The following RPGRIP1 variants were observed in gnomAD, a reference collection of about 807,000 sequenced individuals.
The protein encoded by RPGRIP1 is X-linked retinitis pigmentosa GTPase regulator-interacting protein 1.
RPGRIP1 carries 128 observed loss-of-function variants against 157.9 expected under a neutral mutation model. The observed-to-expected ratio is 0.81, with a 90% CI of 0.70 to 0.94. RPGRIP1 has a LOEUF of 0.94. RPGRIP1 is among the 40% of genes least tolerant of loss of function. The pLI is 0.00. For missense variants in RPGRIP1, 1,486 were observed against 1,545.8 expected (o/e 0.96, Z 0.65); for synonymous variants, 554 against 571.6 (o/e 0.97, Z 0.44).
chr14:21,303,254 A>T (rs558500004), intron 5 of RPGRIP1, 77 bp from the exon 6 acceptor site: 2 of 974,124 alleles, frequency 2.1e-6, no homozygotes, highest in South Asian at 1.6e-5. Context: ...TGATTCACTT[A>T]ATTTCTTTTT....
chr14:21,343,031 A>G lies in RPGRIP1; in HGVS notation c.3340-5A>G. The G allele has an allele frequency of 4.4e-6, 7 of 1,608,948 alleles. No homozygotes were observed. The highest frequency in any genetic ancestry group is 1.1e-5 in the South Asian group (1 of 90,514). ...TAGGAACTAAATAAACATTTTCCTTATCAGGATTCAGAGAAGATGTGCATT... is the reference window on the plus strand; with the variant it reads ...TAGGAACTAAATAAACATTTTCCTTGTCAGGATTCAGAGAAGATGTGCATT... On this transcript the variant is annotated splice_region_variant and splice_polypyrimidine_tract_variant and intron_variant, in intron 21 of 24. Transcript: ENST00000400017.
In RPGRIP1 at chr14:21,294,233, G is replaced by GT. The variant is rs34091174; in HGVS notation, c.86-431dup. ...CCCAGTAGGAGTCATTTCTGTTTTTGTTTTTTTTTTTTTCCAAGGCAGAGT... is the reference window on the plus strand; with the variant it reads ...CCCAGTAGGAGTCATTTCTGTTTTTGTTTTTTTTTTTTTTCCAAGGCAGAGT... On this transcript the variant is annotated intron_variant, in intron 2 of 24. Coordinates refer to ENST00000400017, the MANE Select transcript of RPGRIP1 (RefSeq NM_020366.4). Among the ~76,000 whole-genome samples the GT allele has an allele frequency of 2.0e-3, 287 of 143,962 alleles. 1 individual carries two copies. Among genetic ancestry groups the GT allele is most frequent in the East Asian group, 3.9e-3 (19 of 4,912 alleles). The allele number at this position is 143,962 out of a possible 152,430, so 94.4% of individuals were successfully genotyped here. A position where few individuals can be genotyped will look rare whatever the true frequency, so the allele number is the denominator to read the frequency against.
intron 3 of RPGRIP1, among the ~76,000 whole-genome samples, chr14:21,296,274 C>T (rs772480332): frequency 1.3e-5 from 2 of 151,832 alleles, no homozygotes; most frequent in Non-Finnish European, 2.9e-5. Context: ...GCCGTGCTGC[C>T]CAGGCTGGTC....
At chr14:21,303,618 TC>T in intron 6 of RPGRIP1, 75 bp downstream of exon 6, 1 of 1,113,946 alleles carries the variant, frequency 9.0e-7, no homozygotes, top group Non-Finnish European at 1.3e-6. Context: ...ATACCTTTCC[TC>T]CATCTCAGAG....
chr14:21,323,369 C>T (rs1212908327), intron 14 of RPGRIP1, among the ~76,000 whole-genome samples: 1 of 151,376 alleles, frequency 6.6e-6, no homozygotes, highest in South Asian at 2.1e-4. Flanking sequence ...TGCAGTGAGC[C>T]GAGACCAGGC....
At chr14:21,281,688 CAA>C (rs1282350183) in intron 1 of RPGRIP1, among the ~76,000 whole-genome samples, 56 of 79,274 alleles carry the variant, frequency 7.1e-4, no homozygotes, top group African/African-American at 2.8e-3. Context: ...GACCTTGTCT[CAA>C]AAAAAAAAAA....
At chr14:21,290,150 C>A (rs1281442009) in intron 2 of RPGRIP1, among the ~76,000 whole-genome samples, 2 of 152,160 alleles carry the variant, frequency 1.3e-5, no homozygotes, top group Non-Finnish European at 2.9e-5. Flanking sequence ...AGCCACCACA[C>A]CTGGCCCCTG....
At chr14:21,327,847 A>G (rs1018363517) in intron 18 of RPGRIP1, 40 bp downstream of exon 18, 12 of 1,453,790 alleles carry the variant, frequency 8.3e-6, no homozygotes, top group Non-Finnish European at 9.3e-6. Flanking sequence ...ATCTCTGCCA[A>G]TCCTATGGAG....
intron 7 of RPGRIP1, among the ~76,000 whole-genome samples, chr14:21,308,720 G>C (rs1881419351): frequency 6.6e-6 from 1 of 152,132 alleles, no homozygotes; most frequent in South Asian, 2.1e-4. Flanking sequence ...CCTGTACTGA[G>C]ACAGAGGGAG....
At chr14:21,336,317 T>A (rs1033065066) in intron 21 of RPGRIP1, among the ~76,000 whole-genome samples, 9 of 152,178 alleles carry the variant, frequency 5.9e-5, no homozygotes, top group African/African-American at 2.2e-4. Flanking sequence ...GGCAGATTGC[T>A]TGAGGCCAGG....
chr14:21,292,872 C>G (rs1278070174), intron 2 of RPGRIP1, among the ~76,000 whole-genome samples: 3 of 148,824 alleles, frequency 2.0e-5, no homozygotes, highest in Admixed American at 6.7e-5. Context: ...ATTAGCCGGG[C>G]GCAGTGGCTC....
In RPGRIP1 at chr14:21,324,964, A is replaced by G. The variant is rs1882908484; in HGVS notation, c.2109A>G (p.Ile703Met). The G allele has an allele frequency of 1.2e-6, 2 of 1,613,886 alleles. No individual in the cohort carries two copies. The highest frequency in any genetic ancestry group is 2.2e-5 in the South Asian group (2 of 91,088). Residue 703 changes from isoleucine (I) to methionine (M), a missense_variant, in exon 15 of 25, where the codon ATA becomes ATG. Coordinates refer to ENST00000400017, the MANE Select transcript of RPGRIP1 (RefSeq NM_020366.4). ...AAGAGGCTTCAGCCCGGCTTGACAT[A>G]CACCAGGCCATGGCCAGTGAACACA... The part of the protein sequence containing the change: ...YLQEASARLD[I>M]HQAMASEHST...
intron 2 of RPGRIP1, among the ~76,000 whole-genome samples, 192 bp downstream of exon 2, chr14:21,288,253 T>G (rs1024512943): frequency 6.7e-6 from 1 of 148,710 alleles, no homozygotes; most frequent in African/African-American, 2.5e-5. Context: ...CAATCTCAGC[T>G]CACTGCAGCC....
intron 3 of RPGRIP1, among the ~76,000 whole-genome samples, chr14:21,299,631 T>G (rs1005661748): frequency 2.6e-5 from 4 of 152,226 alleles, no homozygotes; most frequent in Admixed American, 2.6e-4. Flanking sequence ...TCTACTGCTT[T>G]TATCTTTTTC....
At chr14:21,328,690 C>T (rs1231699973) in intron 19 of RPGRIP1, 63 bp downstream of exon 19, 2 of 1,180,580 alleles carry the variant, frequency 1.7e-6, no homozygotes, top group African/African-American at 3.0e-5. Flanking sequence ...ATGTATTATT[C>T]TCAGAGGTAG....
chr14:21,303,042 G>A, intron 5 of RPGRIP1: 1 of 292,640 alleles, frequency 3.4e-6, no homozygotes, highest in South Asian at 3.8e-5. Context: ...GCTAATTTTT[G>A]TATTTTTAGT....
rs199590641 is a variant in RPGRIP1 at position 21,288,050 on chromosome 14, C to T, written c.74C>T (p.Pro25Leu). The change falls in exon 2 of 25, where the codon CCA becomes CTA. Residue 25 changes from proline (P) to leucine (L), a missense_variant. By Grantham distance (98) the Pro-to-Leu change is moderately conservative. Transcript: ENST00000400017. ...ATAGATGCTATACCTCTGGTGCTAC[C>T]AGCCTCAAAAGGTAACTTCTACGCC... ...RDIDAIPLVL[P>L]ASKGKNMKTQ... 175 of 1,610,930 alleles carry T rather than the reference C, an allele frequency of 1.1e-4. No homozygotes were observed. The African/African-American group carries it at 2.2e-3, about 20-fold the overall frequency.
chr14:21,328,753 T>C lies in RPGRIP1; in HGVS notation c.3099+126T>C, dbSNP rs1883386126. 4.3e-6 allele frequency: 3 copies of C among 695,572 alleles called. 1 individual carries two copies. Among genetic ancestry groups the C allele is most frequent in the East Asian group, 5.4e-5 (2 of 36,818 alleles). 43.1% of individuals were successfully genotyped at this position (695,572 alleles called of 1,614,324 possible). On this transcript the variant is annotated intron_variant, in intron 19 of 24. Transcript: ENST00000400017. ...ATAAGCACTAATCGGCCGGGCATGG[T>C]GGCTTCGGCCTGTAATCCCAGCACT... is the stretch of plus-strand genomic sequence containing the variant.
At chr14:21,334,094 G>A (rs1252051387) in intron 20 of RPGRIP1, among the ~76,000 whole-genome samples, 1 of 151,768 alleles carries the variant, frequency 6.6e-6, no homozygotes, top group African/African-American at 2.4e-5. Context: ...GGCTAATTTT[G>A]CATTTTTAGT....
Sources: gnomAD v4.1 joint callset for allele counts (sites outside exome capture counted in the v4.1 genomes callset) on GRCh38, gnomAD v4.1.1 for gene constraint, MANE v1.5 for transcripts, NCBI Gene and HGNC (gene_info 2026-07-23, HGNC 2026-07-21) for gene names.